Variants in MED27 observed in about 807,000 individuals in gnomAD.
MED27 encodes the protein mediator complex subunit 27.
MED27 carries 30 observed loss-of-function variants against 38.2 expected under a neutral mutation model. That is an observed-to-expected ratio of 0.79 (90% CI 0.59 to 1.07). MED27 has a LOEUF of 1.07. Among genes scored for constraint, MED27 ranks in the 50% least tolerant of loss-of-function variants. The probability of loss-of-function intolerance (pLI) is 0.00; values close to 1 mark genes in which losing one functional copy is unlikely to be tolerated. For synonymous variants in MED27, 122 were observed against 153.5 expected (o/e 0.79, Z 1.52); for missense variants, 289 against 397.5 (o/e 0.73, Z 2.32).
chr9:132,006,648 G>GA (rs967176682), intron 3 of MED27, among the ~76,000 whole-genome samples: 46 of 140,802 alleles, frequency 3.3e-4, no homozygotes, highest in East Asian at 1.4e-3. Context: ...TATGGCAGAG[G>GA]AAAAAAAAAA....
At chr9:131,950,204 C>T (rs78693709) in intron 3 of MED27, among the ~76,000 whole-genome samples, 4,545 of 152,264 alleles carry the variant, frequency 0.03, 221 homozygotes, top group African/African-American at 0.098. Flanking sequence ...TCCAGCAACA[C>T]CAATTAACAA....
intron 3 of MED27, among the ~76,000 whole-genome samples, chr9:132,004,814 G>A (rs1002522140): frequency 3.1e-4 from 47 of 152,326 alleles, no homozygotes; most frequent in African/African-American, 1.1e-3. Context: ...GATGTTTTGA[G>A]CCTCATCAGC....
chr9:132,046,236 G>A (rs1022918943), intron 2 of MED27, among the ~76,000 whole-genome samples: 2 of 152,072 alleles, frequency 1.3e-5, no homozygotes, highest in South Asian at 2.1e-4. Flanking sequence ...AAACTAGCAC[G>A]GTAAACTGCA....
At chr9:131,941,710 T>A (rs962852273) in intron 3 of MED27, among the ~76,000 whole-genome samples, 1 of 150,910 alleles carries the variant, frequency 6.6e-6, no homozygotes, top group African/African-American at 2.4e-5. Flanking sequence ...CCAAACAGCA[T>A]CTCCTATCTC....
At chr9:131,867,951 G>A (rs1445699544) in intron 6 of MED27, among the ~76,000 whole-genome samples, 1 of 152,208 alleles carries the variant, frequency 6.6e-6, no homozygotes, top group Non-Finnish European at 1.5e-5. Context: ...GGCACTACAG[G>A]AGAATGGCCC....
At chr9:131,919,106 GTA>G (rs1830343987) in intron 4 of MED27, among the ~76,000 whole-genome samples, 1 of 152,202 alleles carries the variant, frequency 6.6e-6, no homozygotes, top group Admixed American at 6.5e-5. Flanking sequence ...AGAGTAGGGA[GTA>G]GGGAGAAGGA....
intron 4 of MED27, 39 bp downstream of exon 4, chr9:131,939,342 T>G: frequency 7.1e-7 from 1 of 1,412,278 alleles, no homozygotes; most frequent in Non-Finnish European, 9.8e-7. Flanking sequence ...GTCCATTTTT[T>G]CCCCCAACAT....
At chr9:132,074,001 C>T (rs1015427847) in intron 2 of MED27, among the ~76,000 whole-genome samples, 1 of 152,142 alleles carries the variant, frequency 6.6e-6, no homozygotes, top group African/African-American at 2.4e-5. Context: ...AAAAGAGGAC[C>T]TTCAGAATAA....
chr9:131,901,032 GAGAA>G (rs1829936046), intron 4 of MED27, among the ~76,000 whole-genome samples: 1 of 133,476 alleles, frequency 7.5e-6, no homozygotes, highest in African/African-American at 2.8e-5. Flanking sequence ...AGAGGGGGGA[GAGAA>G]AGAAAGAGGG....
At chr9:132,068,914 T>C (rs1422080696) in intron 2 of MED27, among the ~76,000 whole-genome samples, 1 of 152,144 alleles carries the variant, frequency 6.6e-6, no homozygotes, top group Non-Finnish European at 1.5e-5. Flanking sequence ...GAAGCACTAA[T>C]AACCCAGCGG....
chr9:132,037,192 C>T (rs998799107), intron 2 of MED27, among the ~76,000 whole-genome samples: 2 of 152,156 alleles, frequency 1.3e-5, no homozygotes, highest in South Asian at 2.1e-4. Flanking sequence ...CAGACCCCTC[C>T]GTTTATCACA....
intron 6 of MED27, chr9:131,869,497 A>G: frequency 1.2e-6 from 1 of 825,096 alleles, no homozygotes; most frequent in Non-Finnish European, 1.5e-6. Context: ...CTGGGAGATA[A>G]AAGCCGCCCT....
rs771768022 is a variant in MED27 at position 132,073,246 on chromosome 9, G to A, written c.348+4196C>T. On this transcript the variant is annotated intron_variant, in intron 2 of 7. Transcript: ENST00000292035. ...TGCCTCCCATCCAAGCACCACAACTGGCTTTCTCAGTAATGGCTGAAAATG... is the reference window on the plus strand; with the variant it reads ...TGCCTCCCATCCAAGCACCACAACTAGCTTTCTCAGTAATGGCTGAAAATG... 240 of 861,648 alleles carry A rather than the reference G, an allele frequency of 2.8e-4. 1 individual carries two copies. The highest frequency in any genetic ancestry group is 3.3e-4 in the Non-Finnish European group (235 of 717,592). 53.4% of individuals were successfully genotyped at this position (861,648 alleles called of 1,614,324 possible).
At chr9:131,931,988 C>T (rs554547265) in intron 4 of MED27, among the ~76,000 whole-genome samples, 1 of 152,204 alleles carries the variant, frequency 6.6e-6, no homozygotes, top group South Asian at 2.1e-4. Context: ...GACTACAGAA[C>T]AAATGGACAT....
chr9:131,882,503 C>A (rs897115506), intron 6 of MED27, among the ~76,000 whole-genome samples: 51 of 152,228 alleles, frequency 3.4e-4, no homozygotes, highest in Admixed American at 1.8e-3. Context: ...TCCTGGCACA[C>A]TGTGGACACA....
chr9:131,959,080 T>C (rs184633094), intron 3 of MED27, among the ~76,000 whole-genome samples: 1 of 152,236 alleles, frequency 6.6e-6, no homozygotes, highest in Non-Finnish European at 1.5e-5. Context: ...ATTCTTTTCA[T>C]GTTGAATGGG....
At chr9:132,014,298 C>T in intron 3 of MED27, 39 bp downstream of exon 3, 1 of 1,570,640 alleles carries the variant, frequency 6.4e-7, no homozygotes, top group Non-Finnish European at 8.6e-7. Context: ...TAAAAAAGTT[C>T]ACCCAGTACT....
chr9:132,077,078 AC>A (rs1834067343), intron 2 of MED27, among the ~76,000 whole-genome samples: 1 of 152,214 alleles, frequency 6.6e-6, no homozygotes, highest in African/African-American at 2.4e-5. Context: ...CCTGGGGGCC[AC>A]AGATTCCTCT....
intron 4 of MED27, among the ~76,000 whole-genome samples, chr9:131,937,202 A>T (rs1830700950): frequency 6.6e-6 from 1 of 152,186 alleles, no homozygotes. Context: ...ATAAAATTCC[A>T]ACTTTTAATA....
Sources: allele counts gnomAD v4.1 joint callset (sites outside exome capture counted in the v4.1 genomes callset), GRCh38; gene constraint gnomAD v4.1.1; transcripts MANE v1.5; gene names NCBI Gene and HGNC (gene_info 2026-07-23, HGNC 2026-07-21).